PCBP3: variants seen among roughly 807,000 people sequenced by gnomAD.
PCBP3 encodes poly(rC)-binding protein 3.
In PCBP3, 25 loss-of-function variants were observed where a neutral mutation model predicts 52.7. That is an observed-to-expected ratio of 0.47 (90% CI 0.35 to 0.66). PCBP3 has a LOEUF of 0.66. Ranked by LOEUF, PCBP3 falls within the 30% of genes least tolerant of loss-of-function variation. The probability of loss-of-function intolerance (pLI) is 0.01; values close to 1 mark genes in which losing one functional copy is unlikely to be tolerated. For missense variants in PCBP3, 391 were observed against 490.3 expected, an observed-to-expected ratio of 0.80 and a Z score of 1.91; for synonymous variants, 162 against 183.0, an observed-to-expected ratio of 0.89 and a Z score of 0.93.
Position 45,668,881 on chromosome 21 carries a change from G to C in PCBP3, c.-271G>C, listed in dbSNP as rs943820994. On this transcript the variant is annotated 5_prime_UTR_variant, in exon 2 of 18. Coordinates refer to ENST00000681687, the MANE Select transcript of PCBP3 (RefSeq NM_001384156.1). ...GGCATTATTTTTTTTCAGCACATTG[G>C]AGATATATTTCCACAGCATCTGGCT... 6.6e-6 allele frequency: 1 copy of C among 152,034 alleles called. No individual in the cohort carries two copies. The highest frequency in any genetic ancestry group is 2.4e-5 in the African/African-American group (1 of 41,386). 9.4% of individuals were successfully genotyped at this position (152,034 alleles called of 1,614,324 possible).
At chr21:45,910,046 C>CGG (rs1192923036) in intron 10 of PCBP3, among the ~76,000 whole-genome samples, 4 of 26,042 alleles carry the variant, frequency 1.5e-4, no homozygotes, top group Non-Finnish European at 2.9e-4. Flanking sequence ...GATATGGACC[C>CGG]CCCCCACCAC....
chr21:45,932,235 C>T (rs1004130761), intron 15 of PCBP3, among the ~76,000 whole-genome samples: 2 of 149,918 alleles, frequency 1.3e-5, no homozygotes, highest in Admixed American at 6.6e-5. Context: ...GAACGAACAC[C>T]TGGGCCTTGC....
At chr21:45,835,137 C>T (rs546475017) in intron 4 of PCBP3, among the ~76,000 whole-genome samples, 50 of 152,316 alleles carry the variant, frequency 3.3e-4, no homozygotes, top group Non-Finnish European at 4.9e-4. Context: ...GAGTTAGGTA[C>T]ATCTTTTCCT....
Position 45,688,677 on chromosome 21 carries a change from T to C in PCBP3, c.-200+19725T>C, listed in dbSNP as rs145003355. ...TAAAAAGAATATGAAGGCATAATCA[T>C]TGTACTTGAAAAAGGCAATAAAATT... On this transcript the variant is annotated intron_variant, in intron 2 of 17. Coordinates refer to ENST00000681687, the MANE Select transcript of PCBP3 (RefSeq NM_001384156.1). 9.2e-5 allele frequency among the ~76,000 whole-genome samples: 14 copies of C among 152,192 alleles called. No homozygotes were observed. In the East Asian group the frequency reaches 2.7e-3, roughly 29 times the overall value.
At chr21:45,909,712 GCCACCCACTGCCCAGATACAGACCTGGC>G (rs1569484137) in intron 10 of PCBP3, among the ~76,000 whole-genome samples, 84 of 96,552 alleles carry the variant, frequency 8.7e-4, no homozygotes, top group Middle Eastern at 7.7e-3. Context: ...TACGGACCCG[GCCACCCACTGCCCAGATACAGACCTGGC>G]CCACCCACTG....
At chr21:45,767,626 T>C (rs2145705006) in intron 4 of PCBP3, among the ~76,000 whole-genome samples, 1 of 152,366 alleles carries the variant, frequency 6.6e-6, no homozygotes, top group Admixed American at 6.5e-5. Context: ...CGCACTGCAC[T>C]GTTTTGCCTT....
In PCBP3 at chr21:45,833,732, T is replaced by C. The variant is rs114449540; in HGVS notation, c.-125-16229T>C. ...GCCAGGCCTAAGGGGCTAAGAGCTC[T>C]GGAAGGATTGTCTGTTTCTGGGCAG... On this transcript the variant is annotated intron_variant, in intron 4 of 17. Coordinates refer to ENST00000681687, the MANE Select transcript of PCBP3 (RefSeq NM_001384156.1). 5.0e-3 allele frequency among the ~76,000 whole-genome samples: 765 copies of C among 152,220 alleles called. 4 individuals are homozygous for C. Among genetic ancestry groups the C allele is most frequent in the African/African-American group, 0.017 (711 of 41,550 alleles).
rs900393161 is a variant in PCBP3 at position 45,736,812 on chromosome 21, G to A, written c.-162+1383G>A. Among the ~76,000 whole-genome samples, 1 of 152,224 alleles carries A rather than the reference G, an allele frequency of 6.6e-6. No individual in the cohort carries two copies. Among genetic ancestry groups the A allele is most frequent in the African/African-American group, 2.4e-5 (1 of 41,442 alleles). ...GCACTGCCAGAATCCTGACATCCTTGTGGGGGGATCGAAAACATAAATCTA... is the reference window on the plus strand; with the variant it reads ...GCACTGCCAGAATCCTGACATCCTTATGGGGGGATCGAAAACATAAATCTA... On this transcript the variant is annotated intron_variant, in intron 3 of 17. Transcript: ENST00000681687. This position sits in a 1 kb window ranked among gnomAD's most constrained non-coding sequence, Gnocchi z 4.6.
intron 1 of PCBP3, among the ~76,000 whole-genome samples, chr21:45,645,238 ATT>A (rs34234135): frequency 0.013 from 1,920 of 149,826 alleles, 40 homozygotes; most frequent in African/African-American, 0.042. Context: ...TTCGAGCAGT[ATT>A]TTTTTTTTTT....
At chr21:45,860,564 A>C (rs775277066) in intron 5 of PCBP3, among the ~76,000 whole-genome samples, 5 of 152,248 alleles carry the variant, frequency 3.3e-5, no homozygotes, top group African/African-American at 4.8e-5. Context: ...GGGGAAGCAC[A>C]AATGAGCCTG....
At chr21:45,845,243 G>A (rs1343222987) in intron 4 of PCBP3, among the ~76,000 whole-genome samples, 3 of 152,272 alleles carry the variant, frequency 2.0e-5, no homozygotes, top group Non-Finnish European at 1.5e-5. Context: ...CCCTGATGCT[G>A]AGAGGCATGA....
intron 4 of PCBP3, among the ~76,000 whole-genome samples, chr21:45,781,149 A>G (rs1290919069): frequency 6.6e-6 from 1 of 152,168 alleles, no homozygotes; most frequent in Non-Finnish European, 1.5e-5. Context: ...TGGTATAAGA[A>G]AGTCCAACCT....
At chr21:45,858,287 G>T (rs2094382518) in intron 5 of PCBP3, 1 of 152,200 alleles carries the variant, frequency 6.6e-6, no homozygotes, top group African/African-American at 2.4e-5. Context: ...GGCGGTAGAG[G>T]ACCTGTCATC....
chr21:45,785,219 G>T (rs1316392269), intron 4 of PCBP3, among the ~76,000 whole-genome samples: 1 of 151,518 alleles, frequency 6.6e-6, no homozygotes, highest in African/African-American at 2.4e-5. Flanking sequence ...GAGCCCCTCC[G>T]CCCGGCAGCC....
chr21:45,908,104 C>A (rs1226570214), intron 9 of PCBP3, among the ~76,000 whole-genome samples: 1 of 152,136 alleles, frequency 6.6e-6, no homozygotes, highest in Non-Finnish European at 1.5e-5. Flanking sequence ...TGAACAATTT[C>A]GTTAAAGTCA....
At chr21:45,878,711 T>G (rs183317571) in intron 5 of PCBP3, among the ~76,000 whole-genome samples, 1 of 152,326 alleles carries the variant, frequency 6.6e-6, no homozygotes, top group Non-Finnish European at 1.5e-5. Flanking sequence ...AATGTCGTGG[T>G]TCTGCATAAG....
In PCBP3 at chr21:45,912,347, G is replaced by T. The variant is rs1360509393; in HGVS notation, c.600+1317G>T. On this transcript the variant is annotated intron_variant, in intron 11 of 17. Coordinates refer to ENST00000681687, the MANE Select transcript of PCBP3 (RefSeq NM_001384156.1). ...TCCCAGGGGCCATCATCCCAGGGAG[G>T]AAGATTCATCACACCTGGAAACAGC... 2.0e-5 allele frequency among the ~76,000 whole-genome samples: 3 copies of T among 152,146 alleles called. No homozygotes were observed. In the East Asian group the frequency reaches 5.8e-4, roughly 29 times the overall value.
intron 4 of PCBP3, among the ~76,000 whole-genome samples, chr21:45,813,878 A>G (rs555132985): frequency 6.6e-6 from 1 of 152,332 alleles, no homozygotes; most frequent in Admixed American, 6.5e-5. Context: ...TTCTGCATCT[A>G]CATATGTGCA....
intron 5 of PCBP3, among the ~76,000 whole-genome samples, chr21:45,861,956 C>T (rs73911006): frequency 0.037 from 5,660 of 152,242 alleles, 238 homozygotes; most frequent in East Asian, 0.11. Context: ...GCAGGTTTTG[C>T]GCCTGGGAAG....
Sources: gnomAD v4.1 joint callset for allele counts (sites outside exome capture counted in the v4.1 genomes callset) on GRCh38, gnomAD v4.1.1 for gene constraint, Gnocchi (gnomAD v3.1) non-coding constraint, MANE v1.5 for transcripts, NCBI Gene and HGNC (gene_info 2026-07-23, HGNC 2026-07-21) for gene names.